The following SPATS2 variants were observed in gnomAD, a reference collection of about 807,000 sequenced individuals.
The protein encoded by SPATS2 is spermatogenesis associated serine rich 2.
A neutral mutation model predicts 63.7 loss-of-function variants in SPATS2; 38 were observed. The observed-to-expected ratio is 0.60, with a 90% CI of 0.46 to 0.78. The LOEUF is 0.78. SPATS2 is among the 30% of genes least tolerant of loss of function. SPATS2 has a pLI of 0.00. For missense variants in SPATS2, 588 were observed against 666.2 expected (o/e 0.88, Z 1.29); for synonymous variants, 207 against 232.9 (o/e 0.89, Z 1.01).
At chr12:49,466,042 TTTTGGTATCGTG>T (rs1945908954) in intron 3 of SPATS2, among the ~76,000 whole-genome samples, 1 of 151,080 alleles carries the variant, frequency 6.6e-6, no homozygotes, top group African/African-American at 2.4e-5. Flanking sequence ...ACGGATTGGG[TTTTGGTATCGTG>T]TCTGAGAATT....
chr12:49,390,260 T>A, intron 2 of SPATS2: 1 of 705,046 alleles, frequency 1.4e-6, no homozygotes, highest in Non-Finnish European at 2.3e-6. Flanking sequence ...TATTTTTTTC[T>A]CTTTAAATAT....
chr12:49,404,327 C>G (rs1944659416), intron 2 of SPATS2, among the ~76,000 whole-genome samples: 1 of 147,290 alleles, frequency 6.8e-6, no homozygotes, highest in African/African-American at 2.5e-5. Flanking sequence ...TGCTCTGTTG[C>G]CTAGACTGGG....
chr12:49,495,169 A>G (rs1946444675), intron 7 of SPATS2, among the ~76,000 whole-genome samples, 167 bp downstream of exon 7: 2 of 151,982 alleles, frequency 1.3e-5, no homozygotes, highest in South Asian at 2.1e-4. Flanking sequence ...GTCACATTTT[A>G]TAATTATCAA....
chr12:49,441,822 T>G (rs1317302387), intron 2 of SPATS2: 1 of 152,180 alleles, frequency 6.6e-6, no homozygotes, highest in Non-Finnish European at 1.5e-5. Flanking sequence ...GTTAGGTAAG[T>G]CTTACCAATT....
intron 2 of SPATS2, among the ~76,000 whole-genome samples, chr12:49,402,636 G>A (rs748977699): frequency 3.3e-5 from 5 of 152,076 alleles, no homozygotes; most frequent in East Asian, 1.9e-4. Flanking sequence ...CATTGAAATC[G>A]CCTGGAATGA....
Position 49,398,395 on chromosome 12 carries a change from A to G in SPATS2, c.-244+27105A>G, listed in dbSNP as rs569031776. 3.9e-5 allele frequency among the ~76,000 whole-genome samples: 6 copies of G among 152,290 alleles called. No homozygotes were observed. In the South Asian group the frequency reaches 6.2e-4, roughly 16 times the overall value. ...ATGTGGAGGCTGGTTGGAACGTTAC[A>G]GAATATTGGTGTACTCCAGGGAAGA... On this transcript the variant is annotated intron_variant, in intron 2 of 13. Coordinates refer to ENST00000552918, the MANE Select transcript of SPATS2 (RefSeq NM_023071.4).
chr12:49,450,593 G>C (rs1819339524), intron 2 of SPATS2, among the ~76,000 whole-genome samples: 1 of 152,026 alleles, frequency 6.6e-6, no homozygotes, highest in African/African-American at 2.4e-5. Flanking sequence ...GCCCAGGCTG[G>C]AGCGCAATGG....
At chr12:49,458,265 C>T (rs1410808999) in intron 2 of SPATS2, among the ~76,000 whole-genome samples, 2 of 152,108 alleles carry the variant, frequency 1.3e-5, no homozygotes, top group Non-Finnish European at 2.9e-5. Flanking sequence ...GTCAGGAGTT[C>T]AGGACCAGCC....
At chr12:49,406,032 G>C (rs1398080866) in intron 2 of SPATS2, among the ~76,000 whole-genome samples, 1 of 152,062 alleles carries the variant, frequency 6.6e-6, no homozygotes, top group Non-Finnish European at 1.5e-5. Context: ...GGGAGGCCGA[G>C]GCGGGTGGAT....
intron 11 of SPATS2, among the ~76,000 whole-genome samples, chr12:49,520,778 GCGCTGTCGC>G (rs1946928630): frequency 6.6e-6 from 1 of 151,388 alleles, no homozygotes; most frequent in African/African-American, 2.4e-5. Context: ...GAGTGCAGTG[GCGCTGTCGC>G]CACTCACTGC....
chr12:49,467,215 ATTTTTTTT>A (rs35462676), intron 3 of SPATS2, among the ~76,000 whole-genome samples: 2 of 119,946 alleles, frequency 1.7e-5, no homozygotes, highest in African/African-American at 6.3e-5. Flanking sequence ...TGCCTGGCTA[ATTTTTTTT>A]TTTTTTTTTT....
At chr12:49,447,284 G>A (rs1945529376) in intron 2 of SPATS2, among the ~76,000 whole-genome samples, 1 of 150,750 alleles carries the variant, frequency 6.6e-6, no homozygotes, top group Admixed American at 6.6e-5. Flanking sequence ...TTGTCCCCAG[G>A]TTGGAGTGCA....
At chr12:49,443,870 A>G (rs1217622405) in intron 2 of SPATS2, among the ~76,000 whole-genome samples, 3 of 152,162 alleles carry the variant, frequency 2.0e-5, no homozygotes, top group African/African-American at 4.8e-5. Context: ...ACAGTACCAC[A>G]CTGTCTTCAT....
intron 3 of SPATS2, among the ~76,000 whole-genome samples, chr12:49,473,200 A>T (rs1378946468): frequency 6.6e-6 from 1 of 152,152 alleles, no homozygotes; most frequent in African/African-American, 2.4e-5. Flanking sequence ...AAATCACCTG[A>T]GTTCAGGAGT....
intron 2 of SPATS2, among the ~76,000 whole-genome samples, chr12:49,437,064 T>A: frequency 6.6e-6 from 1 of 151,016 alleles, no homozygotes; most frequent in Non-Finnish European, 1.5e-5. Context: ...CGCTCCTCAC[T>A]TCCCAGACGG....
chr12:49,430,047 C>G (rs1945155174), intron 2 of SPATS2, among the ~76,000 whole-genome samples: 2 of 150,542 alleles, frequency 1.3e-5, no homozygotes, highest in African/African-American at 4.9e-5. Flanking sequence ...TCCCAAAGTG[C>G]TGGGATTACA....
chr12:49,420,901 G>A (rs1207044468), intron 2 of SPATS2, among the ~76,000 whole-genome samples: 2 of 152,086 alleles, frequency 1.3e-5, no homozygotes, highest in African/African-American at 2.4e-5. Flanking sequence ...CATCTACTCC[G>A]GAGGCTGAGA....
rs1320450085 is a variant in SPATS2, at chr12:49,423,142, G to GT, written c.-243-37616dup. Among the ~76,000 whole-genome samples the GT allele has an allele frequency of 3.0e-3, 429 of 141,832 alleles. 1 individual carries two copies. Among genetic ancestry groups the GT allele is most frequent in the Admixed American group, 6.1e-3 (87 of 14,148 alleles). 93.0% of individuals were successfully genotyped at this position (141,832 alleles called of 152,430 possible). A position where few individuals can be genotyped will look rare whatever the true frequency, so the allele number is the denominator to read the frequency against. ...TAGCACTCTGGTTAATACTGTTTTT[G>GT]TTTTTTTTTTTTGAGATGAAGTCTC... On this transcript the variant is annotated intron_variant, in intron 2 of 13. Transcript: ENST00000552918.
intron 2 of SPATS2, among the ~76,000 whole-genome samples, chr12:49,418,291 T>C (rs1336043994): frequency 6.6e-6 from 1 of 151,826 alleles, no homozygotes; most frequent in African/African-American, 2.4e-5. Flanking sequence ...ATTTTTAATT[T>C]TAATTTAATT....
Sources: allele counts gnomAD v4.1 joint callset (sites outside exome capture counted in the v4.1 genomes callset), GRCh38; gene constraint gnomAD v4.1.1; transcripts MANE v1.5; gene names NCBI Gene and HGNC (gene_info 2026-07-23, HGNC 2026-07-21).